The following ILRUN variants were observed in gnomAD, a reference collection of about 807,000 sequenced individuals.
The protein encoded by ILRUN is protein ILRUN.
In ILRUN, 3 loss-of-function variants were observed where a neutral mutation model predicts 33.8. The observed-to-expected ratio is 0.09, with a 90% CI of 0.04 to 0.23. The LOEUF (loss-of-function observed/expected upper bound fraction) is 0.23, where lower values mean the gene tolerates loss of function less well. Among genes scored for constraint, ILRUN ranks in the 10% least tolerant of loss-of-function variants. The pLI, the probability that ILRUN is intolerant of heterozygous loss-of-function variation, is 1.00. For missense variants in ILRUN, 210 were observed against 375.1 expected (o/e 0.56, Z 3.64); for synonymous variants, 124 against 138.9 (o/e 0.89, Z 0.75).
chr6:34,654,553 A>C, intron 2 of ILRUN, 72 bp downstream of exon 2: 1 of 1,472,712 alleles, frequency 6.8e-7, no homozygotes, highest in South Asian at 1.3e-5. Flanking sequence ...CATAAGCTAA[A>C]ACATTTCCTT....
intron 1 of ILRUN, among the ~76,000 whole-genome samples, chr6:34,690,297 CTAA>C (rs1185318809): frequency 5.3e-5 from 8 of 152,086 alleles, no homozygotes; most frequent in Non-Finnish European, 1.5e-5. Context: ...CTTGATTCTA[CTAA>C]TAATACAAAG....
At chr6:34,660,099 T>C (rs1582087856) in intron 1 of ILRUN, among the ~76,000 whole-genome samples, 1 of 150,652 alleles carries the variant, frequency 6.6e-6, no homozygotes, top group Non-Finnish European at 1.5e-5. Flanking sequence ...CCCAGAAGTT[T>C]GAGACTAGCC....
intron 4 of ILRUN, among the ~76,000 whole-genome samples, chr6:34,591,881 C>T (rs1761300900): frequency 6.6e-6 from 1 of 152,140 alleles, no homozygotes; most frequent in African/African-American, 2.4e-5. Flanking sequence ...TTCCTTCTTC[C>T]CACGCTAGCT....
intron 1 of ILRUN, among the ~76,000 whole-genome samples, chr6:34,676,493 CAA>C (rs1763238568): frequency 7.3e-6 from 1 of 137,880 alleles, no homozygotes; most frequent in African/African-American, 3.1e-5. Context: ...GGTAGATATG[CAA>C]AGATAGAGAG....
intron 3 of ILRUN, chr6:34,616,993 C>T: frequency 5.5e-6 from 3 of 545,870 alleles, no homozygotes; most frequent in South Asian, 2.8e-5. Context: ...ATGGTTATGG[C>T]AAAATCAATA....
At chr6:34,682,249 C>G (rs1487224580) in intron 1 of ILRUN, among the ~76,000 whole-genome samples, 1 of 79,822 alleles carries the variant, frequency 1.3e-5, no homozygotes, top group South Asian at 3.8e-4. Context: ...CCTGCAACCT[C>G]TGTTTTTTTT....
Position 34,696,656 on chromosome 6 carries a change from C to G in ILRUN, c.-53G>C. 2.6e-6 allele frequency: 4 copies of G among 1,565,750 alleles called. No homozygotes were observed. The South Asian group carries it at 4.6e-5, about 18-fold the overall frequency. On this transcript the variant is annotated 5_prime_UTR_variant, in exon 1 of 5. Coordinates refer to ENST00000374023, the MANE Select transcript of ILRUN (RefSeq NM_024294.4). ...CCTCTTCACAACCAAGCCGCCGCCG[C>G]GCCGCCGGGCCCGGGGACCTGGAGG...
intron 2 of ILRUN, among the ~76,000 whole-genome samples, chr6:34,650,397 AT>A (rs1009383314): frequency 3.4e-5 from 5 of 145,948 alleles, no homozygotes; most frequent in African/African-American, 7.6e-5. Flanking sequence ...GCTTAATTTT[AT>A]TTATTTATTT....
chr6:34,669,725 T>G (rs778882803), intron 1 of ILRUN, among the ~76,000 whole-genome samples: 1 of 152,060 alleles, frequency 6.6e-6, no homozygotes, highest in Non-Finnish European at 1.5e-5. Context: ...ACAAAACTAA[T>G]TAACATAACA....
chr6:34,605,312 C>CA (rs1761603273), intron 4 of ILRUN, among the ~76,000 whole-genome samples: 4 of 34,300 alleles, frequency 1.2e-4, no homozygotes, highest in Non-Finnish European at 1.7e-4. Context: ...GTCTCCAAAA[C>CA]AAAAACAAAA....
At chr6:34,683,518 A>ATATATATACGTATATATGTG (rs1562033425) in intron 1 of ILRUN, among the ~76,000 whole-genome samples, 17 of 99,632 alleles carry the variant, frequency 1.7e-4, no homozygotes, top group African/African-American at 6.8e-4. Context: ...ATATATACAT[A>ATATATATACGTATATATGTG]TATATATATA....
chr6:34,678,836 C>CAAAAAAAAAA (rs767799882), intron 1 of ILRUN, among the ~76,000 whole-genome samples: 5 of 47,870 alleles, frequency 1.0e-4, no homozygotes, highest in Admixed American at 2.4e-4. Flanking sequence ...GACTCCGTCT[C>CAAAAAAAAAA]AAAAAAAAAA....
At chr6:34,621,430 A>G (rs1762010416) in intron 3 of ILRUN, among the ~76,000 whole-genome samples, 1 of 152,156 alleles carries the variant, frequency 6.6e-6, no homozygotes, top group Non-Finnish European at 1.5e-5. Flanking sequence ...TATCGATTGC[A>G]GAGATCCCTC....
At chr6:34,668,586 T>C (rs1469252911) in intron 1 of ILRUN, among the ~76,000 whole-genome samples, 1 of 152,130 alleles carries the variant, frequency 6.6e-6, no homozygotes, top group African/African-American at 2.4e-5. Context: ...AAAATAATAA[T>C]AATAGGCCCA....
At chr6:34,661,789 G>C (rs1196437821) in intron 1 of ILRUN, among the ~76,000 whole-genome samples, 1 of 152,016 alleles carries the variant, frequency 6.6e-6, no homozygotes, top group Non-Finnish European at 1.5e-5. Flanking sequence ...TTGTATAATG[G>C]CTTCTAGGGA....
At chr6:34,677,880 T>G (rs1367550580) in intron 1 of ILRUN, among the ~76,000 whole-genome samples, 1 of 142,480 alleles carries the variant, frequency 7.0e-6, no homozygotes, top group African/African-American at 2.7e-5. Context: ...GCCCAGGAGG[T>G]CGAGGCTGCA....
At chr6:34,679,739 G>T (rs1158094888) in intron 1 of ILRUN, among the ~76,000 whole-genome samples, 1 of 152,172 alleles carries the variant, frequency 6.6e-6, no homozygotes, top group Non-Finnish European at 1.5e-5. Context: ...AATCAGTTAA[G>T]ATGAGGTCAT....
intron 4 of ILRUN, chr6:34,595,595 AAAG>A (rs1761384716): frequency 4.3e-6 from 1 of 231,496 alleles, no homozygotes; most frequent in Non-Finnish European, 7.1e-6. Context: ...CCAGGAAAAA[AAAG>A]AAGGCTGAAA....
chr6:34,656,222 C>T (rs1480933902), intron 1 of ILRUN, among the ~76,000 whole-genome samples: 2 of 144,712 alleles, frequency 1.4e-5, no homozygotes, highest in Non-Finnish European at 3.0e-5. Flanking sequence ...GGCAACAGTG[C>T]CAGACTCCGT....
Sources: allele counts gnomAD v4.1 joint callset (sites outside exome capture counted in the v4.1 genomes callset), GRCh38; gene constraint gnomAD v4.1.1; transcripts MANE v1.5; gene names NCBI Gene and HGNC (gene_info 2026-07-23, HGNC 2026-07-21).